The following PARVA variants were observed in gnomAD, a reference collection of about 807,000 sequenced individuals.
The protein encoded by PARVA is alpha-parvin.
A neutral mutation model predicts 52.6 loss-of-function variants in PARVA; 25 were observed. The ratio of observed to expected loss-of-function variants is 0.48; its 90% confidence interval spans 0.35 to 0.66. The LOEUF (loss-of-function observed/expected upper bound fraction) is 0.66. PARVA is among the 30% of genes least tolerant of loss of function. The probability of loss-of-function intolerance (pLI) is 0.01; values close to 1 mark genes in which losing one functional copy is unlikely to be tolerated. For missense variants in PARVA, 373 were observed against 450.9 expected (o/e 0.83, Z 1.56); for synonymous variants, 185 against 179.1 (o/e 1.03, Z -0.26).
chr11:12,382,194 C>G (rs569173860), intron 1 of PARVA, among the ~76,000 whole-genome samples: 1 of 152,150 alleles, frequency 6.6e-6, no homozygotes, highest in South Asian at 2.1e-4. Flanking sequence ...AGGATTTAAT[C>G]TTTACGTTTA....
intron 1 of PARVA, among the ~76,000 whole-genome samples, chr11:12,460,847 C>T (rs1940767430): frequency 2.0e-5 from 3 of 152,144 alleles, no homozygotes; most frequent in Admixed American, 6.5e-5. Flanking sequence ...AAGACGAAGG[C>T]CAGTGAGATG....
At chr11:12,378,671 G>A (rs1939442715) in intron 1 of PARVA, among the ~76,000 whole-genome samples, 1 of 151,520 alleles carries the variant, frequency 6.6e-6, no homozygotes, top group African/African-American at 2.4e-5. Flanking sequence ...TGAAAACGAG[G>A]TGGCAGTTCT....
chr11:12,483,400 C>T (rs888853999), intron 4 of PARVA, among the ~76,000 whole-genome samples: 1 of 152,158 alleles, frequency 6.6e-6, no homozygotes, highest in Non-Finnish European at 1.5e-5. Context: ...ATGCCAAACA[C>T]GAGTATGTTA....
chr11:12,398,521 A>C (rs1312803605), intron 1 of PARVA, among the ~76,000 whole-genome samples: 1 of 148,190 alleles, frequency 6.7e-6, no homozygotes, highest in East Asian at 2.2e-4. Flanking sequence ...AATGAGACAC[A>C]GGGCATTTCT....
At chr11:12,496,826 G>A (rs1164807332) in intron 5 of PARVA, among the ~76,000 whole-genome samples, 1 of 152,164 alleles carries the variant, frequency 6.6e-6, no homozygotes, top group African/African-American at 2.4e-5. Flanking sequence ...TCTGTAAAAG[G>A]CTTTGCATAG....
chr11:12,427,613 A>T (rs1202949454), intron 1 of PARVA, among the ~76,000 whole-genome samples: 1 of 151,856 alleles, frequency 6.6e-6, no homozygotes, highest in African/African-American at 2.4e-5. Context: ...ATTTTTTTTT[A>T]AAGCAAGTTT....
intron 6 of PARVA, among the ~76,000 whole-genome samples, chr11:12,506,878 C>T (rs1231822351): frequency 6.6e-6 from 1 of 152,122 alleles, no homozygotes; most frequent in African/African-American, 2.4e-5. Flanking sequence ...ATTTCTTTTC[C>T]ATTCTATGCA....
At chr11:12,512,712 A>G (rs1379102715) in intron 8 of PARVA, among the ~76,000 whole-genome samples, 1 of 152,240 alleles carries the variant, frequency 6.6e-6, no homozygotes, top group Non-Finnish European at 1.5e-5. Context: ...CTCACACTTC[A>G]TCCTCATGAC....
rs150584569 is a variant in PARVA at position 12,509,456 on chromosome 11, A to G, written c.716+814A>G. Among the ~76,000 whole-genome samples, 351 of 152,198 alleles carry G rather than the reference A, an allele frequency of 2.3e-3. 6 individuals are homozygous for G. The highest frequency in any genetic ancestry group is 5.4e-3 in the South Asian group (26 of 4,810). On this transcript the variant is annotated intron_variant, in intron 7 of 12. Transcript: ENST00000334956. ...AAGATTTACTGTGGTCACAGCTGTGACTTCGTTCCCTTGCCCTCTGTAGCT... is the reference window on the plus strand; with the variant it reads ...AAGATTTACTGTGGTCACAGCTGTGGCTTCGTTCCCTTGCCCTCTGTAGCT...
chr11:12,438,688 G>T (rs1940422065), intron 1 of PARVA, among the ~76,000 whole-genome samples: 1 of 152,134 alleles, frequency 6.6e-6, no homozygotes, highest in African/African-American at 2.4e-5. Context: ...CTAGAGACTT[G>T]ACTTTTATTG....
At position 12,425,313 on chromosome 11, in the gene PARVA, C is replaced by T. The variant is rs572850573; in HGVS notation, c.136+47530C>T. ...CTAGGCAACATGCTGGAGGATAAGA[C>T]GAACACAGTTTTGGCCATCAGAAAG... On this transcript the variant is annotated intron_variant, in intron 1 of 12. Coordinates refer to ENST00000334956, the MANE Select transcript of PARVA (RefSeq NM_018222.5). Among the ~76,000 whole-genome samples, 4 of 152,250 alleles carry T rather than the reference C, an allele frequency of 2.6e-5. 1 individual carries two copies. In the South Asian group the frequency reaches 8.3e-4, roughly 32 times the overall value.
At chr11:12,508,110 AAAAAAAAAAAAACC>A (rs1941456393) in intron 6 of PARVA, among the ~76,000 whole-genome samples, 1 of 127,750 alleles carries the variant, frequency 7.8e-6, no homozygotes, top group African/African-American at 3.4e-5. Context: ...AAAAAAAAAA[AAAAAAAAAAAAACC>A]AAAAAAAAAA....
chr11:12,407,087 G>A (rs555339454), intron 1 of PARVA, among the ~76,000 whole-genome samples: 1 of 152,140 alleles, frequency 6.6e-6, no homozygotes, highest in Non-Finnish European at 1.5e-5. Flanking sequence ...GGGTCAAAAG[G>A]TATGAAGATT....
intron 1 of PARVA, among the ~76,000 whole-genome samples, chr11:12,405,112 T>C (rs1462295268): frequency 8.5e-5 from 13 of 152,122 alleles, no homozygotes; most frequent in Admixed American, 2.0e-4. Context: ...AGGTTTTTCA[T>C]TTGAGAGAAT....
At chr11:12,459,082 TC>T (rs1940738261) in intron 1 of PARVA, among the ~76,000 whole-genome samples, 1 of 152,264 alleles carries the variant, frequency 6.6e-6, no homozygotes, top group African/African-American at 2.4e-5. Context: ...TTCAGGGAAG[TC>T]CCTGAAGTTT....
chr11:12,432,261 TATTAA>T (rs745683681), intron 1 of PARVA, among the ~76,000 whole-genome samples: 22 of 152,350 alleles, frequency 1.4e-4, no homozygotes, highest in East Asian at 5.8e-4. Context: ...ATAAAAGGCC[TATTAA>T]ATTAGCCTGA....
intron 1 of PARVA, among the ~76,000 whole-genome samples, chr11:12,390,173 C>A (rs1321009860): frequency 6.6e-6 from 1 of 152,190 alleles, no homozygotes; most frequent in Non-Finnish European, 1.5e-5. Context: ...CATTCATAGG[C>A]AGAATCGTTA....
At chr11:12,429,476 T>C (rs536565192) in intron 1 of PARVA, among the ~76,000 whole-genome samples, 1 of 152,322 alleles carries the variant, frequency 6.6e-6, no homozygotes, top group East Asian at 1.9e-4. Context: ...AAAGGATGTA[T>C]AGCACACAGT....
At chr11:12,426,988 A>G (rs558735000) in intron 1 of PARVA, among the ~76,000 whole-genome samples, 1 of 152,180 alleles carries the variant, frequency 6.6e-6, no homozygotes, top group South Asian at 2.1e-4. Flanking sequence ...GGACCAAAAA[A>G]AGGCTTTGAA....
Sources: gnomAD v4.1 joint callset for allele counts (sites outside exome capture counted in the v4.1 genomes callset) on GRCh38, gnomAD v4.1.1 for gene constraint, MANE v1.5 for transcripts, NCBI Gene and HGNC (gene_info 2026-07-23, HGNC 2026-07-21) for gene names.